Variants in SNX32 observed in about 807,000 individuals in gnomAD.
SNX32 encodes the protein sorting nexin 32.
A neutral mutation model predicts 57.0 loss-of-function variants in SNX32; 58 were observed. That is an observed-to-expected ratio of 1.02 (90% confidence interval 0.82 to 1.27). SNX32 has a LOEUF of 1.27. Among genes scored for constraint, SNX32 ranks in the 50% most tolerant of loss-of-function variants. The pLI is 0.00. For synonymous variants in SNX32, 262 were observed against 220.4 expected (o/e 1.19, Z -1.67); for missense variants, 589 against 541.2 (o/e 1.09, Z -0.88).
intron 1 of SNX32, among the ~76,000 whole-genome samples, chr11:65,837,838 C>T (rs1275165068): frequency 1.5e-5 from 1 of 68,632 alleles, no homozygotes; most frequent in African/African-American, 4.5e-5. Flanking sequence ...AAAAAAAAAA[C>T]GAAGAAGAAG....
At chr11:65,839,223 G>GTTTTTTTGTTTTTTTTTTT (rs755185237) in intron 1 of SNX32, among the ~76,000 whole-genome samples, 4 of 23,076 alleles carry the variant, frequency 1.7e-4, no homozygotes, top group Non-Finnish European at 2.8e-4. Flanking sequence ...TAATTTTTTT[G>GTTTTTTTGTTTTTTTTTTT]TATTTTTTTT....
At chr11:65,843,083 G>T (rs1274040393) in intron 1 of SNX32, among the ~76,000 whole-genome samples, 10 of 149,030 alleles carry the variant, frequency 6.7e-5, no homozygotes, top group African/African-American at 2.5e-4. Flanking sequence ...AATTAGCTGG[G>T]CGTGGTGGGC....
intron 1 of SNX32, among the ~76,000 whole-genome samples, chr11:65,836,020 T>A (rs2134686607): frequency 6.6e-6 from 1 of 152,270 alleles, no homozygotes; most frequent in South Asian, 2.1e-4. Flanking sequence ...AAGGGTTAGC[T>A]ATTATATTAT....
chr11:65,840,553 T>C (rs1858813476), intron 1 of SNX32, among the ~76,000 whole-genome samples: 1 of 152,034 alleles, frequency 6.6e-6, no homozygotes, highest in East Asian at 1.9e-4. Context: ...CTGTAATCTC[T>C]GCACTTTGGG....
At chr11:65,836,905 G>T (rs533461643) in intron 1 of SNX32, among the ~76,000 whole-genome samples, 2 of 151,764 alleles carry the variant, frequency 1.3e-5, no homozygotes, top group East Asian at 3.9e-4. Context: ...GTGGGGGGCT[G>T]GGGGGTAAGG....
chr11:65,852,780 G>A lies in SNX32; in HGVS notation c.1063G>A (p.Ala355Thr), dbSNP rs578235979. 225 of 1,609,324 alleles carry A rather than the reference G, an allele frequency of 1.4e-4. No individual in the cohort carries two copies. The East Asian group carries it at 4.4e-3, about 32-fold the overall frequency. Residue 355 changes from alanine to threonine, a missense_variant, in exon 11 of 13, where the codon GCC becomes ACC. Transcript: ENST00000308342. The part of the protein sequence containing the change: ...CQRFERLSDS[A>T]KQELMDFKSR... ...ACGCTTCGAGCGCCTCTCCGACTCC[G>A]CCAAGCAAGGTGAGCCCGCAGCCCC...
At position 65,852,803 on chromosome 11, in the gene SNX32, C is replaced by T. The variant is rs756948683; in HGVS notation, c.1072+14C>T. 1.8e-5 allele frequency: 29 copies of T among 1,610,850 alleles called. No individual in the cohort carries two copies. The highest frequency in any genetic ancestry group is 2.3e-5 in the Non-Finnish European group (27 of 1,177,706). On this transcript the variant is annotated intron_variant, in intron 11 of 12. Coordinates refer to ENST00000308342, the MANE Select transcript of SNX32 (RefSeq NM_152760.3). ...CCGCCAAGCAAGGTGAGCCCGCAGC[C>T]CCCAGCCCCAGCCTGGGGCCACATG... is the stretch of plus-strand genomic sequence containing the variant.
chr11:65,850,389 T>G (rs568144346), intron 4 of SNX32, 42 bp from the exon 5 acceptor site: 1 of 1,612,818 alleles, frequency 6.2e-7, no homozygotes, highest in African/African-American at 1.3e-5. Flanking sequence ...GGCAGGATGA[T>G]GGGGGCTGAG....
At chr11:65,853,181 A>C in intron 12 of SNX32, 101 bp from the exon 13 acceptor site, 1 of 1,520,210 alleles carries the variant, frequency 6.6e-7, no homozygotes, top group Non-Finnish European at 9.1e-7. Flanking sequence ...GTTATTGCAG[A>C]GAGCAGGGGT....
Position 65,851,052 on chromosome 11 carries a change from T to C in SNX32, c.604-3T>C, listed in dbSNP as rs758161264. On this transcript the variant is annotated splice_polypyrimidine_tract_variant and splice_region_variant and intron_variant, in intron 6 of 12. Coordinates refer to ENST00000308342, the MANE Select transcript of SNX32 (RefSeq NM_152760.3). ...TAAATGGGGTCCTGCCTGGCTCCCTTAGGAGGTGGATGACTTCTTTGAGCA... is the reference window on the plus strand; with the variant it reads ...TAAATGGGGTCCTGCCTGGCTCCCTCAGGAGGTGGATGACTTCTTTGAGCA... 2.5e-6 allele frequency: 4 copies of C among 1,613,060 alleles called. No homozygotes were observed. Among genetic ancestry groups the C allele is most frequent in the Non-Finnish European group, 3.4e-6 (4 of 1,179,080 alleles).
rs1555032605 is a variant in SNX32, at chr11:65,839,215, A to ATTTTTTTTTTTTTTTTTTTT, written c.36+5121_36+5122insTTTTTTTTTTTTTTTTTTTT. On this transcript the variant is annotated intron_variant, in intron 1 of 12. Coordinates refer to ENST00000308342, the MANE Select transcript of SNX32 (RefSeq NM_152760.3). ...AGCTGTGCCCCACCACGCCCAGCTA[A>ATTTTTTTTTTTTTTTTTTTT]TTTTTTTGTATTTTTTTTTTTTTTT... is the stretch of plus-strand genomic sequence containing the variant. Among the ~76,000 whole-genome samples the ATTTTTTTTTTTTTTTTTTTT allele has an allele frequency of 1.6e-3, 32 of 19,530 alleles. 5 individuals are homozygous for ATTTTTTTTTTTTTTTTTTTT. The highest frequency in any genetic ancestry group is 4.6e-3 in the South Asian group (2 of 432). 12.8% of individuals were successfully genotyped at this position (19,530 alleles called of 152,430 possible).
intron 1 of SNX32, among the ~76,000 whole-genome samples, chr11:65,839,583 G>A (rs1327032041): frequency 6.6e-6 from 1 of 151,110 alleles, no homozygotes; most frequent in East Asian, 2.0e-4. Context: ...GACCTCAGGT[G>A]ATCCACTCGC....
Position 65,852,801 on chromosome 11 carries a change from GC to G in SNX32, c.1072+17del, listed in dbSNP as rs1443341725. The G allele has an allele frequency of 6.2e-7, 1 of 1,609,616 alleles. No individual in the cohort carries two copies. Among genetic ancestry groups the G allele is most frequent in the African/African-American group, 1.3e-5 (1 of 74,730 alleles). On this transcript the variant is annotated intron_variant, in intron 11 of 12. Coordinates refer to ENST00000308342, the MANE Select transcript of SNX32 (RefSeq NM_152760.3). ...CTCCGCCAAGCAAGGTGAGCCCGCAGCCCCCAGCCCCAGCCTGGGGCCACAT... is the reference window on the plus strand; with the variant it reads ...CTCCGCCAAGCAAGGTGAGCCCGCAGCCCCAGCCCCAGCCTGGGGCCACAT...
In SNX32 at chr11:65,850,715, C is replaced by T. The variant is rs180941065; in HGVS notation, c.499-36C>T. On this transcript the variant is annotated intron_variant, in intron 5 of 12. Transcript: ENST00000308342. Reference sequence around the variant, plus strand: ...CAACTTGGGGTGGGAGGTGAGAACGCCCACCCCAGCATCATACCCTCCCTG... The same window carrying T: ...CAACTTGGGGTGGGAGGTGAGAACGTCCACCCCAGCATCATACCCTCCCTG... The T allele has an allele frequency of 1.8e-3, 2,810 of 1,603,766 alleles. 3 individuals are homozygous for T. Among genetic ancestry groups the T allele is most frequent in the Non-Finnish European group, 2.1e-3 (2,468 of 1,172,534 alleles).
At chr11:65,842,906 G>A (rs1213428670) in intron 1 of SNX32, among the ~76,000 whole-genome samples, 3 of 125,594 alleles carry the variant, frequency 2.4e-5, no homozygotes, top group Non-Finnish European at 4.7e-5. Context: ...GCCGAGATCC[G>A]CCATTGCACT....
At chr11:65,850,947 T>C in intron 6 of SNX32, 92 bp downstream of exon 6, 4 of 1,489,406 alleles carry the variant, frequency 2.7e-6, no homozygotes, top group East Asian at 2.3e-5. Flanking sequence ...AGGAAGCCAC[T>C]GGTGGGGCCT....
chr11:65,852,768 C>T lies in SNX32; in HGVS notation c.1051C>T (p.Leu351Phe). ...QQLCCQRFER[L>F]SDSAKQELMD... is the part of the protein sequence containing the mutation. The stretch of plus-strand genomic sequence containing the variant: ...GCTGTGCTGCCAACGCTTCGAGCGC[C>T]TCTCCGACTCCGCCAAGCAAGGTGA... The change falls in exon 11 of 13, where the codon CTC becomes TTC. Residue 351 changes from leucine (L) to phenylalanine (F), a missense_variant. Coordinates refer to ENST00000308342, the MANE Select transcript of SNX32 (RefSeq NM_152760.3). 6.2e-7 allele frequency: 1 copy of T among 1,609,700 alleles called. No individual in the cohort carries two copies. Among genetic ancestry groups the T allele is most frequent in the African/African-American group, 1.3e-5 (1 of 75,000 alleles).
At chr11:65,847,100 C>T (rs1411934012) in intron 1 of SNX32, among the ~76,000 whole-genome samples, 1 of 151,812 alleles carries the variant, frequency 6.6e-6, no homozygotes, top group Admixed American at 6.6e-5. Flanking sequence ...CTGCACCTCC[C>T]AAGCTCAATC....
chr11:65,849,151 CAAA>C (rs1354173503), intron 1 of SNX32, among the ~76,000 whole-genome samples: 2 of 152,258 alleles, frequency 1.3e-5, no homozygotes, highest in East Asian at 3.9e-4. Context: ...AAAAAACAAA[CAAA>C]GAAACAACAA....
Sources: allele counts gnomAD v4.1 joint callset (sites outside exome capture counted in the v4.1 genomes callset), GRCh38; gene constraint gnomAD v4.1.1; transcripts MANE v1.5; gene names NCBI Gene and HGNC (gene_info 2026-07-23, HGNC 2026-07-21).